EEFSEC: variants seen among roughly 807,000 people sequenced by gnomAD.
EEFSEC encodes the protein eukaryotic elongation factor, selenocysteine-tRNA specific, also known as selenocysteine-specific elongation factor.
Under a neutral mutation model 42.1 loss-of-function variants are expected in EEFSEC, and 43 were observed. That is an observed-to-expected ratio of 1.02 (90% CI 0.80 to 1.32). The LOEUF is 1.32. EEFSEC is among the 40% of genes most tolerant of loss of function. The pLI is 0.00. For synonymous variants in EEFSEC, 354 were observed against 339.1 expected (o/e 1.04, Z -0.48); for missense variants, 745 against 803.6 (o/e 0.93, Z 0.88).
At chr3:128,418,399 G>C in the EEFSEC span, among the ~76,000 whole-genome samples, 1 of 151,872 alleles carries the variant, frequency 6.6e-6, no homozygotes, top group Non-Finnish European at 1.5e-5. Context: ...GGCTCTGCCC[G>C]ACTCCTCTCC....
intron 4 of EEFSEC, among the ~76,000 whole-genome samples, chr3:128,334,238 G>A (rs570942046): frequency 2.6e-5 from 4 of 152,336 alleles, no homozygotes; most frequent in Admixed American, 6.5e-5. Flanking sequence ...TTGCCCATTG[G>A]CATTGATGTG....
chr3:128,222,033 T>TG (rs2065865596), intron 1 of EEFSEC, among the ~76,000 whole-genome samples: 2 of 143,322 alleles, frequency 1.4e-5, no homozygotes, highest in African/African-American at 5.2e-5. Flanking sequence ...AAGTTTTTTT[T>TG]TTTTTTTTTT....
intron 4 of EEFSEC, among the ~76,000 whole-genome samples, chr3:128,332,547 G>A (rs1159895108): frequency 6.6e-6 from 1 of 152,114 alleles, no homozygotes; most frequent in Non-Finnish European, 1.5e-5. Context: ...CACCTCCTGG[G>A]TTCAAGTGAT....
At chr3:128,406,060 C>A (rs1048161296) in intron 6 of EEFSEC, among the ~76,000 whole-genome samples, 4 of 152,212 alleles carry the variant, frequency 2.6e-5, no homozygotes, top group Non-Finnish European at 5.9e-5. Flanking sequence ...CCAGGACCCC[C>A]CAGTGGGGCT....
At chr3:128,290,945 C>T (rs990299099) in intron 4 of EEFSEC, among the ~76,000 whole-genome samples, 12 of 151,830 alleles carry the variant, frequency 7.9e-5, no homozygotes, top group East Asian at 1.9e-4. Flanking sequence ...GATGGGGTTT[C>T]GCCATATTGG....
At chr3:128,208,137 T>C (rs2065719283) in intron 1 of EEFSEC, among the ~76,000 whole-genome samples, 1 of 152,188 alleles carries the variant, frequency 6.6e-6, no homozygotes, top group Non-Finnish European at 1.5e-5. Flanking sequence ...AAGGAAGTGA[T>C]TTAAAATGGA....
At chr3:128,232,716 G>A (rs2999085) in intron 1 of EEFSEC, among the ~76,000 whole-genome samples, 127,716 of 152,242 alleles carry the variant, frequency 0.84, 54,050 homozygotes, top group East Asian at 0.99. Flanking sequence ...GCTCTTGAAC[G>A]GGAGTTGTAC....
chr3:128,172,379 T>C (rs2065307760), intron 1 of EEFSEC, among the ~76,000 whole-genome samples: 1 of 152,238 alleles, frequency 6.6e-6, no homozygotes, highest in South Asian at 2.1e-4. Flanking sequence ...GCACCTCAAA[T>C]GCAGATGATT....
At chr3:128,346,092 C>T (rs1025788003) in intron 5 of EEFSEC, among the ~76,000 whole-genome samples, 1 of 152,194 alleles carries the variant, frequency 6.6e-6, no homozygotes, top group Non-Finnish European at 1.5e-5. Context: ...TTTTTATTTC[C>T]TGTGCGTCTG....
intron 2 of EEFSEC, among the ~76,000 whole-genome samples, chr3:128,256,673 A>G (rs933244973): frequency 6.6e-6 from 1 of 152,224 alleles, no homozygotes; most frequent in South Asian, 2.1e-4. Flanking sequence ...TTTTCCATGC[A>G]TGATCACTTA....
chr3:128,213,977 A>C (rs757846676), intron 1 of EEFSEC, among the ~76,000 whole-genome samples: 2 of 152,216 alleles, frequency 1.3e-5, no homozygotes, highest in Non-Finnish European at 2.9e-5. Context: ...AAAGACAACA[A>C]ATCTGGAAGA....
At chr3:128,176,213 A>G (rs912074417) in intron 1 of EEFSEC, among the ~76,000 whole-genome samples, 1 of 151,984 alleles carries the variant, frequency 6.6e-6, no homozygotes, top group Admixed American at 6.6e-5. Flanking sequence ...AAGGCAGGCT[A>G]GATGGATGGT....
intron 1 of EEFSEC, among the ~76,000 whole-genome samples, chr3:128,216,560 A>C (rs1576552052): frequency 6.6e-6 from 1 of 152,072 alleles, no homozygotes; most frequent in South Asian, 2.1e-4. Context: ...CTGCCCACCC[A>C]CCTGCCCCTC....
At chr3:128,268,148 G>T (rs1305933631) in intron 4 of EEFSEC, among the ~76,000 whole-genome samples, 2 of 152,248 alleles carry the variant, frequency 1.3e-5, no homozygotes, top group Non-Finnish European at 2.9e-5. Flanking sequence ...TTGCCCTGCT[G>T]TGTTTTAAAC....
chr3:128,220,236 C>G (rs989092676), intron 1 of EEFSEC, among the ~76,000 whole-genome samples: 9 of 152,266 alleles, frequency 5.9e-5, no homozygotes, highest in African/African-American at 1.9e-4. Flanking sequence ...AGCAAAGGTG[C>G]CTGAGTTCCT....
intron 1 of EEFSEC, among the ~76,000 whole-genome samples, chr3:128,181,813 T>TTTTG (rs577243539): frequency 6.6e-6 from 1 of 152,174 alleles, no homozygotes; most frequent in African/African-American, 2.4e-5. Flanking sequence ...CTTTGTTTCT[T>TTTTG]TTTGTTTGTT....
chr3:128,265,126 G>A (rs1025126427), intron 4 of EEFSEC, among the ~76,000 whole-genome samples: 9 of 144,282 alleles, frequency 6.2e-5, no homozygotes, highest in Non-Finnish European at 1.2e-4. Context: ...AAGTGGGGCT[G>A]CTGGAGGGGA....
chr3:128,381,732 C>T (rs933563308), intron 6 of EEFSEC, among the ~76,000 whole-genome samples: 6 of 152,130 alleles, frequency 3.9e-5, no homozygotes, highest in Non-Finnish European at 7.3e-5. Context: ...AGGTCTGACA[C>T]GGAAGGGGCA....
intron 1 of EEFSEC, among the ~76,000 whole-genome samples, chr3:128,174,717 A>C (rs2065330844): frequency 6.6e-6 from 1 of 152,170 alleles, no homozygotes; most frequent in African/African-American, 2.4e-5. Flanking sequence ...TTGCTGTTAG[A>C]GTTAGCAGTA....
Sources: gnomAD v4.1 joint callset for allele counts (sites outside exome capture counted in the v4.1 genomes callset) on GRCh38, gnomAD v4.1.1 for gene constraint, MANE v1.5 for transcripts, NCBI Gene and HGNC (gene_info 2026-07-23, HGNC 2026-07-21) for gene names.